Variants in MYO1E observed in about 807,000 individuals in gnomAD.
MYO1E encodes unconventional myosin-Ie.
In MYO1E, 68 loss-of-function variants were observed where a neutral mutation model predicts 151.1. The observed-to-expected ratio is 0.45, with a 90% CI of 0.37 to 0.55. MYO1E has a LOEUF of 0.55. Among genes scored for constraint, MYO1E ranks in the 20% least tolerant of loss-of-function variants. The pLI is 0.00. For synonymous variants in MYO1E, 601 were observed against 501.7 expected (o/e 1.20, Z -2.64); for missense variants, 1,363 against 1,389.3 (o/e 0.98, Z 0.30).
At chr15:59,207,460 G>A (rs753820279) in intron 14 of MYO1E, 4 of 1,613,946 alleles carry the variant, frequency 2.5e-6, no homozygotes, top group Non-Finnish European at 3.4e-6. Context: ...TTCCAGTATT[G>A]TCCAGTACAG....
intron 1 of MYO1E, among the ~76,000 whole-genome samples, chr15:59,294,201 T>C: frequency 6.6e-6 from 1 of 152,214 alleles, no homozygotes; most frequent in East Asian, 1.9e-4. Context: ...GTTAACCAAC[T>C]AGACAAACTG....
intron 1 of MYO1E, among the ~76,000 whole-genome samples, chr15:59,277,924 G>A (rs2080330711): frequency 6.6e-6 from 1 of 152,188 alleles, no homozygotes. Flanking sequence ...AGAAGACCTG[G>A]AGTTTTAGGA....
chr15:59,361,259 T>C (rs747130893), intron 1 of MYO1E, among the ~76,000 whole-genome samples: 8 of 152,212 alleles, frequency 5.3e-5, no homozygotes, highest in Non-Finnish European at 8.8e-5. Flanking sequence ...GCCACGCCAG[T>C]GCACAAAATC....
chr15:59,214,381 A>ATT, intron 11 of MYO1E, 67 bp from the exon 12 acceptor site: 1 of 1,184,304 alleles, frequency 8.4e-7, no homozygotes, highest in East Asian at 2.4e-5. Context: ...TTCTGGAGTG[A>ATT]TTTATTGAAA....
intron 16 of MYO1E, 83 bp from the exon 17 acceptor site, chr15:59,195,650 G>C: frequency 1.6e-6 from 2 of 1,222,872 alleles, no homozygotes; most frequent in Admixed American, 1.7e-5. Flanking sequence ...AAACTCTCTT[G>C]TAGAAATACA....
At chr15:59,181,703 A>G (rs2079658975) in intron 18 of MYO1E, among the ~76,000 whole-genome samples, 1 of 152,240 alleles carries the variant, frequency 6.6e-6, no homozygotes, top group African/African-American at 2.4e-5. Context: ...CTAAGCAAAC[A>G]CTATGCTCTG....
intron 18 of MYO1E, 44 bp from the exon 19 acceptor site, chr15:59,178,581 C>T (rs562596519): frequency 8.1e-6 from 13 of 1,604,604 alleles, no homozygotes; most frequent in African/African-American, 1.3e-5. Flanking sequence ...TGGGCGGGAC[C>T]GCACTGGTTT....
At position 59,137,470 on chromosome 15, in the gene MYO1E, G is replaced by C. The variant is rs2079380332; in HGVS notation, c.3251-14C>G. On this transcript the variant is annotated splice_polypyrimidine_tract_variant and intron_variant, in intron 27 of 27. Transcript: ENST00000288235. Reference sequence around the variant, plus strand: ...AGCCAGAAGGATCTGCAGGGAGAGAGAGGTGGTGGAAGTGAAGATGAGAAA... The same window carrying C: ...AGCCAGAAGGATCTGCAGGGAGAGACAGGTGGTGGAAGTGAAGATGAGAAA... 1 of 1,612,670 alleles carries C rather than the reference G, an allele frequency of 6.2e-7. No individual in the cohort carries two copies. The highest frequency in any genetic ancestry group is 1.1e-5 in the South Asian group (1 of 91,060).
chr15:59,302,929 T>G (rs1485454772), intron 1 of MYO1E, among the ~76,000 whole-genome samples: 1 of 152,210 alleles, frequency 6.6e-6, no homozygotes, highest in African/African-American at 2.4e-5. Context: ...CCAGGGCACC[T>G]ATGAATACAA....
chr15:59,243,099 CT>C (rs3985715), intron 4 of MYO1E, among the ~76,000 whole-genome samples: 6 of 133,444 alleles, frequency 4.5e-5, no homozygotes, highest in African/African-American at 1.4e-4. Flanking sequence ...TTAGACCCTG[CT>C]TTTTTTTTTT....
chr15:59,219,029 AAG>A (rs2079937452), intron 9 of MYO1E, among the ~76,000 whole-genome samples: 1 of 152,208 alleles, frequency 6.6e-6, no homozygotes, highest in African/African-American at 2.4e-5. Flanking sequence ...ATGGCTAATA[AAG>A]AGGGGCATTA....
intron 17 of MYO1E, among the ~76,000 whole-genome samples, chr15:59,190,338 C>T (rs1230144856): frequency 2.6e-5 from 4 of 152,168 alleles, no homozygotes; most frequent in African/African-American, 4.8e-5. Flanking sequence ...GGGGCTAATG[C>T]GCTCAGCAAA....
chr15:59,340,005 A>G (rs1205547911), intron 1 of MYO1E, among the ~76,000 whole-genome samples: 1 of 151,898 alleles, frequency 6.6e-6, no homozygotes, highest in Non-Finnish European at 1.5e-5. Context: ...CCGCTACCAC[A>G]TCTGGCTAAT....
chr15:59,208,378 T>C lies in MYO1E; in HGVS notation c.1530+303A>G, dbSNP rs3816814. 32,717 of 558,776 alleles carry C rather than the reference T, an allele frequency of 0.059. 1,024 individuals are homozygous for C. Among genetic ancestry groups the C allele is most frequent in the Admixed American group, 0.078 (2,331 of 30,062 alleles). The allele number at this position is 558,776 out of a possible 1,614,324, so 34.6% of individuals were successfully genotyped here. A position where few individuals can be genotyped will look rare whatever the true frequency, so the allele number is the denominator to read the frequency against. On this transcript the variant is annotated intron_variant, in intron 14 of 27. Transcript: ENST00000288235. ...AAGTAGGATGTAGGTATTTATTGTG[T>C]TCTAGAAATTCCGACTCTTTTCATT...
intron 1 of MYO1E, among the ~76,000 whole-genome samples, chr15:59,315,652 T>A (rs1019073828): frequency 1.3e-5 from 2 of 152,112 alleles, no homozygotes; most frequent in African/African-American, 4.8e-5. Context: ...AAAACAGACA[T>A]GATACTTATA....
At chr15:59,154,923 C>T (rs567557069) in intron 25 of MYO1E, among the ~76,000 whole-genome samples, 13 of 152,282 alleles carry the variant, frequency 8.5e-5, no homozygotes, top group African/African-American at 2.6e-4. Flanking sequence ...CTCATCCAGC[C>T]ATGTCTCTAG....
chr15:59,246,948 A>T (rs1296268158), intron 4 of MYO1E, among the ~76,000 whole-genome samples: 1 of 152,198 alleles, frequency 6.6e-6, no homozygotes, highest in Non-Finnish European at 1.5e-5. Flanking sequence ...GTATGCAGAG[A>T]GCATCACGGC....
At chr15:59,297,124 T>G (rs561246152) in intron 1 of MYO1E, among the ~76,000 whole-genome samples, 1 of 150,774 alleles carries the variant, frequency 6.6e-6, no homozygotes, top group African/African-American at 2.4e-5. Context: ...AGTGTTGGGA[T>G]TACGGGCGCG....
chr15:59,369,450 CAG>C (rs2080932355), intron 1 of MYO1E, among the ~76,000 whole-genome samples: 1 of 152,202 alleles, frequency 6.6e-6, no homozygotes, highest in Non-Finnish European at 1.5e-5. Context: ...TTCAGTCTAT[CAG>C]AGAGTCCAAA....
Sources: allele counts gnomAD v4.1 joint callset (sites outside exome capture counted in the v4.1 genomes callset), GRCh38; gene constraint gnomAD v4.1.1; transcripts MANE v1.5; gene names NCBI Gene and HGNC (gene_info 2026-07-23, HGNC 2026-07-21).